Variants in JAK3 observed in about 807,000 individuals in gnomAD.
The protein encoded by JAK3 is Janus kinase 3, also known as tyrosine-protein kinase JAK3.
Under a neutral mutation model 120.8 loss-of-function variants are expected in JAK3, and 88 were observed. The ratio of observed to expected loss-of-function variants is 0.73; its 90% CI spans 0.61 to 0.87. The LOEUF (loss-of-function observed/expected upper bound fraction) is 0.87, where lower values mean the gene tolerates loss of function less well. JAK3 is among the 40% of genes least tolerant of loss of function. The probability of loss-of-function intolerance (pLI) is 0.00; values close to 1 mark genes in which losing one functional copy is unlikely to be tolerated. For missense variants in JAK3, 1,254 were observed against 1,501.4 expected, an observed-to-expected ratio of 0.84 and a Z score of 2.72; for synonymous variants, 592 against 628.6, an observed-to-expected ratio of 0.94 and a Z score of 0.87.
rs1568406673 is a variant in JAK3, at chr19:17,841,886, G to T, written c.862-124C>A. 18 of 1,363,532 alleles carry T rather than the reference G, an allele frequency of 1.3e-5. No homozygotes were observed. The highest frequency in any genetic ancestry group is 1.4e-5 in the Non-Finnish European group (14 of 993,948). The allele number at this position is 1,363,532 out of a possible 1,614,324, so 84.5% of individuals were successfully genotyped here. On this transcript the variant is annotated intron_variant, in intron 6 of 23. Coordinates refer to ENST00000458235, the MANE Select transcript of JAK3 (RefSeq NM_000215.4). The surrounding 1 kb of genome is among the most constrained non-coding windows in gnomAD (Gnocchi z 4.1). ...CTTTGCCATTCAACCCTTCCAAGCC[G>T]CGCCCCCTCCTATCAACTCCAACCT...
intron 14 of JAK3, 78 bp downstream of exon 14, chr19:17,835,846 G>A: frequency 1.3e-5 from 20 of 1,583,462 alleles, no homozygotes; most frequent in Non-Finnish European, 1.7e-5. Flanking sequence ...ATACTACAGA[G>A]CCCACTCCCA....
At chr19:17,830,014 T>C in intron 23 of JAK3, 94 bp downstream of exon 23, 1 of 900,104 alleles carries the variant, frequency 1.1e-6, no homozygotes, top group Non-Finnish European at 1.8e-6. Context: ...CTAGCCTTTC[T>C]TCTCAGTACA....
Position 17,838,362 on chromosome 19 carries a change from T to C in JAK3, c.1470A>G (p.Arg490=), listed in dbSNP as rs2147688957. The change falls in exon 11 of 24, where the codon AGA becomes AGG. Residue 490 remains arginine, a synonymous_variant. Transcript: ENST00000458235. Reference sequence around the variant, plus strand: ...AGGATGATGTGGGTGGGCTGTGACCTCTCTGGACCACGATCAGGTTGGACT... The same window carrying C: ...AGGATGATGTGGGTGGGCTGTGACCCCTCTGGACCACGATCAGGTTGGACT... ...KEKSNLIVVQ[R]GHSPPTSSLV... The C allele has an allele frequency of 6.2e-7, 1 of 1,614,000 alleles. No individual in the cohort carries two copies. The highest frequency in any genetic ancestry group is 8.5e-7 in the Non-Finnish European group (1 of 1,180,002).
At chr19:17,840,409 A>C in intron 8 of JAK3, 68 bp from the exon 9 acceptor site, 17 of 1,029,836 alleles carry the variant, frequency 1.7e-5, no homozygotes, top group Non-Finnish European at 2.1e-5. Flanking sequence ...ACCTGGGCTC[A>C]AATTCAGGTA....
rs1471740073 is a variant in JAK3 at position 17,843,048 on chromosome 19, C to T, written c.545G>A (p.Gly182Glu). ...TCACCTGACAGTCTTCAGCAGCTCT[C>T]CCGGCCGCTGGGCCTGCTCTCGCGC... is the stretch of plus-strand genomic sequence containing the variant. Reference protein sequence around the residue: ...RMAREQAQRPGELLKTVSYKA... With the variant: ...RMAREQAQRPEELLKTVSYKA... The change falls in exon 5 of 24, where the codon GGA becomes GAA. Residue 182 changes from glycine (G) to glutamate (E), a missense_variant. Transcript: ENST00000458235. This position sits in a 1 kb window ranked among gnomAD's most constrained non-coding sequence, Gnocchi z 5.4. The T allele has an allele frequency of 1.2e-6, 2 of 1,610,794 alleles. No homozygotes were observed. The highest frequency in any genetic ancestry group is 1.3e-5 in the African/African-American group (1 of 75,054).
chr19:17,838,024 G>A lies in JAK3; in HGVS notation c.1609C>T (p.Arg537Trp), dbSNP rs746305522. Residue 537 changes from arginine to tryptophan, a missense_variant, in exon 12 of 24, where the codon CGG (arginine) becomes TGG (tryptophan). Physicochemically the swap from Arg to Trp is moderately radical, Grantham distance 101. Transcript: ENST00000458235. ...TCCACCACCTCATGGCGACAGCCCC[G>A]GTAAATCTTGGTGAAGGACCCATGG... is the stretch of plus-strand genomic sequence containing the variant. The part of the protein sequence containing the change: ...LGHGSFTKIY[R>W]GCRHEVVDGE... 5.6e-6 allele frequency: 9 copies of A among 1,613,930 alleles called. No individual in the cohort carries two copies. Among genetic ancestry groups the A allele is most frequent in the South Asian group, 2.2e-5 (2 of 91,078 alleles).
chr19:17,830,114 A>C lies in JAK3; in HGVS notation c.3201T>G (p.Pro1067=), dbSNP rs1347222802. 2 of 1,577,324 alleles carry C rather than the reference A, an allele frequency of 1.3e-6. No individual in the cohort carries two copies. Among genetic ancestry groups the C allele is most frequent in the East Asian group, 4.7e-5 (2 of 42,840 alleles). Residue 1067 remains proline, a synonymous_variant, in exon 23 of 24, where the codon CCT becomes CCG. Transcript: ENST00000458235. ...GQRLPAPPAC[P]AEVHELMKLC... is the part of the protein sequence containing the mutation. The stretch of plus-strand genomic sequence containing the variant: ...CTAGCCCTGCGGCGCTCACCTCAGC[A>C]GGGCAGGCAGGAGGCGCCGGCAGCC...
Position 17,837,208 on chromosome 19 carries a change from G to A in JAK3, c.1707C>T (p.Phe569=). Residue 569 remains phenylalanine, a synonymous_variant, in exon 13 of 24, where the codon TTC becomes TTT. Coordinates refer to ENST00000458235, the MANE Select transcript of JAK3 (RefSeq NM_000215.4). ...DAKHKNCMES[F]LEAASLMSQV... ...GGCTCATCAAGCTCGCTGCTTCCAGGAATGACTGGGGAAGGTGGGAAGGGA... is the reference window on the plus strand; with the variant it reads ...GGCTCATCAAGCTCGCTGCTTCCAGAAATGACTGGGGAAGGTGGGAAGGGA... The A allele has an allele frequency of 6.4e-7, 1 of 1,565,668 alleles. No homozygotes were observed. The highest frequency in any genetic ancestry group is 1.9e-5 in the Admixed American group (1 of 53,170).
intron 1 of JAK3, 51 bp downstream of exon 1, chr19:17,847,895 C>CCAAA: frequency 1.1e-6 from 1 of 887,772 alleles, no homozygotes; most frequent in Non-Finnish European, 1.4e-6. Context: ...CCCGCCACCA[C>CCAAA]CATCCTCCCC....
rs1304995414 is a variant in JAK3 at position 17,837,121 on chromosome 19, G to A, written c.1786+8C>T. 5.8e-6 allele frequency: 9 copies of A among 1,541,506 alleles called. No individual in the cohort carries two copies. Among genetic ancestry groups the A allele is most frequent in the Non-Finnish European group, 7.9e-6 (9 of 1,141,132 alleles). On this transcript the variant is annotated splice_region_variant and intron_variant, in intron 13 of 23. Coordinates refer to ENST00000458235, the MANE Select transcript of JAK3 (RefSeq NM_000215.4). ...CAGGGGTGGGGTGGGTGGGTGGGGG[G>A]CTCTCACTGTCTCCAGCCATGCACA...
At chr19:17,844,987 G>C (rs1028757895) in intron 1 of JAK3, among the ~76,000 whole-genome samples, 3 of 151,948 alleles carry the variant, frequency 2.0e-5, no homozygotes, top group African/African-American at 7.3e-5. Context: ...CGAGTCCCCT[G>C]AGAAAAATTG....
rs59186613 is a variant in JAK3, at chr19:17,829,771, G to GA, written c.3207+336dup. On this transcript the variant is annotated intron_variant, in intron 23 of 23. Transcript: ENST00000458235. Reference sequence around the variant, plus strand: ...CATCTATAAAAAAGAAAGAAAGAAAGAAAAAAAAAAACCATGAACGTCACC... The same window carrying GA: ...CATCTATAAAAAAGAAAGAAAGAAAGAAAAAAAAAAAACCATGAACGTCACC... The GA allele has an allele frequency of 0.065, 23,344 of 357,924 alleles. 82 individuals carry two copies. The highest frequency in any genetic ancestry group is 0.083 in the East Asian group (1,919 of 23,164). 22.2% of individuals were successfully genotyped at this position (357,924 alleles called of 1,614,324 possible).
rs1477164673 is a variant in JAK3, at chr19:17,843,350, C to G, written c.420+30G>C. 8 of 1,541,396 alleles carry G rather than the reference C, an allele frequency of 5.2e-6. No homozygotes were observed. In the Admixed American group the frequency reaches 1.5e-4, roughly 30 times the overall value. ...CATGTTGCCCCTTGGACCCCCAACC[C>G]CCTGGGTCAAACCCCAGGCAGAACC... On this transcript the variant is annotated intron_variant, in intron 4 of 23. Transcript: ENST00000458235. This position sits in a 1 kb window ranked among gnomAD's most constrained non-coding sequence, Gnocchi z 5.4.
chr19:17,836,126 G>GAGAGCCAGGGTGTT, intron 13 of JAK3, 75 bp from the exon 14 acceptor site: 1 of 1,560,788 alleles, frequency 6.4e-7, no homozygotes, highest in Non-Finnish European at 8.8e-7. Flanking sequence ...CCAACACCCT[G>GAGAGCCAGGGTGTT]GCTCTCAGGG....
Position 17,826,812 on chromosome 19 carries a change from G to A in JAK3, c.3306C>T (p.Ser1102=). 1.2e-6 allele frequency: 2 copies of A among 1,614,112 alleles called. No individual in the cohort carries two copies. The highest frequency in any genetic ancestry group is 1.7e-6 in the Non-Finnish European group (2 of 1,180,006). ...TGAAGGCATGAGTCTCACACCCCCG[G>A]CTTCCGCTCCACAGCATGTCCAGCT... ...GPQLDMLWSG[S]RGCETHAFTA... is the part of the protein sequence containing the mutation. The change falls in exon 24 of 24, where the codon AGC becomes AGT. Residue 1102 remains serine (S), a synonymous_variant. Transcript: ENST00000458235.
At chr19:17,837,580 T>C (rs2094227345) in intron 12 of JAK3, among the ~76,000 whole-genome samples, 1 of 151,656 alleles carries the variant, frequency 6.6e-6, no homozygotes. Flanking sequence ...CACGCCCGGC[T>C]AATTTTGTAT....
chr19:17,835,723 G>A (rs2094222948), intron 14 of JAK3, among the ~76,000 whole-genome samples: 1 of 152,106 alleles, frequency 6.6e-6, no homozygotes, highest in African/African-American at 2.4e-5. Context: ...TTCCTGCCCA[G>A]CCTCGTCATT....
chr19:17,844,006 A>G, intron 2 of JAK3, 106 bp from the exon 3 acceptor site: 2 of 1,435,346 alleles, frequency 1.4e-6, no homozygotes, highest in South Asian at 1.3e-5. Flanking sequence ...ACCTCAAGGT[A>G]TGACCAGCTG....
rs200860180 is a variant in JAK3 at position 17,844,380 on chromosome 19, T to C, written c.38A>G (p.Gln13Arg). The stretch of plus-strand genomic sequence containing the variant: ...CGTGGACAAGAGGCTGCATGAACGC[T>C]GAGGGATCAGGGGCGTCTCTTCACT... Reference protein sequence around the residue: ...PPSEETPLIPQRSCSLLSTEA... With the variant: ...PPSEETPLIPRRSCSLLSTEA... The change falls in exon 2 of 24, where the codon CAG (glutamine) becomes CGG (arginine). Residue 13 changes from glutamine (Q) to arginine (R), a missense_variant. By Grantham distance (43) the Gln-to-Arg change is conservative. This residue lies in a region of JAK3 where 138 missense variants were observed against 178.7 expected (regional missense o/e 0.77). Coordinates refer to ENST00000458235, the MANE Select transcript of JAK3 (RefSeq NM_000215.4). The C allele has an allele frequency of 1.3e-5, 21 of 1,612,236 alleles. No individual in the cohort carries two copies. Among genetic ancestry groups the C allele is most frequent in the Non-Finnish European group, 1.8e-5 (21 of 1,179,720 alleles).
Sources: allele counts gnomAD v4.1 joint callset (sites outside exome capture counted in the v4.1 genomes callset), GRCh38; gene constraint gnomAD v4.1.1; regional missense constraint gnomAD v4.1.1; non-coding constraint Gnocchi (gnomAD v3.1); transcripts MANE v1.5; gene names NCBI Gene and HGNC (gene_info 2026-07-23, HGNC 2026-07-21).